VTI1A: variants seen among roughly 807,000 people sequenced by gnomAD.
VTI1A encodes vesicle transport through interaction with t-SNAREs homolog 1A.
In VTI1A, 22 loss-of-function variants were observed where a neutral mutation model predicts 34.9. The ratio of observed to expected loss-of-function variants is 0.63; its 90% CI spans 0.45 to 0.90. The LOEUF is 0.90. Ranked by LOEUF, VTI1A falls within the 40% of genes least tolerant of loss-of-function variation. VTI1A has a pLI of 0.00. For synonymous variants in VTI1A, 87 were observed against 97.3 expected (o/e 0.89, Z 0.62); for missense variants, 268 against 275.6 (o/e 0.97, Z 0.20).
chr10:112,723,563 C>G (rs556986958), intron 7 of VTI1A, among the ~76,000 whole-genome samples: 1 of 152,188 alleles, frequency 6.6e-6, no homozygotes, highest in African/African-American at 2.4e-5. Flanking sequence ...GGCAGGCTGA[C>G]CTCCTGAATC....
intron 7 of VTI1A, among the ~76,000 whole-genome samples, chr10:112,812,292 A>G (rs532168140): frequency 1.3e-5 from 2 of 152,220 alleles, no homozygotes; most frequent in Non-Finnish European, 1.5e-5. Flanking sequence ...CTTGCTGCAG[A>G]CCTAGTTCAA....
chr10:112,815,449 A>G lies in VTI1A; in HGVS notation c.*66A>G. On this transcript the variant is annotated 3_prime_UTR_variant, in exon 8 of 8. Transcript: ENST00000393077. ...TCTGAGTAATTAAGACAAAATGGTC[A>G]CATGAATCATTCTGTTGCGCTGACA... The G allele has an allele frequency of 7.1e-7, 1 of 1,400,060 alleles. No individual in the cohort carries two copies. Among genetic ancestry groups the G allele is most frequent in the East Asian group, 2.3e-5 (1 of 43,792 alleles). 86.7% of individuals were successfully genotyped at this position (1,400,060 alleles called of 1,614,324 possible). A position where few individuals can be genotyped will look rare whatever the true frequency, so the allele number is the denominator to read the frequency against.
At chr10:112,468,374 G>A (rs942633776) in intron 3 of VTI1A, among the ~76,000 whole-genome samples, 2 of 152,072 alleles carry the variant, frequency 1.3e-5, no homozygotes, top group African/African-American at 4.8e-5. Context: ...TAAATGAATG[G>A]AGAATATTTA....
chr10:112,812,167 T>A (rs1301975943), intron 7 of VTI1A, among the ~76,000 whole-genome samples: 1 of 152,256 alleles, frequency 6.6e-6, no homozygotes, highest in African/African-American at 2.4e-5. Context: ...AGTTTTTGCC[T>A]GGAGGCAATT....
At chr10:112,650,201 A>G (rs530983823) in intron 5 of VTI1A, among the ~76,000 whole-genome samples, 12 of 152,200 alleles carry the variant, frequency 7.9e-5, no homozygotes, top group Non-Finnish European at 1.6e-4. Flanking sequence ...TCCTCATTCT[A>G]TGAACTTCTA....
chr10:112,572,634 C>A (rs966163597), intron 5 of VTI1A, among the ~76,000 whole-genome samples: 1 of 151,968 alleles, frequency 6.6e-6, no homozygotes, highest in Non-Finnish European at 1.5e-5. Context: ...GTCAGGAGAT[C>A]GAGACCATCT....
At chr10:112,768,065 A>G (rs1316354572) in intron 7 of VTI1A, among the ~76,000 whole-genome samples, 1 of 151,926 alleles carries the variant, frequency 6.6e-6, no homozygotes, top group African/African-American at 2.4e-5. Flanking sequence ...GCTTCCCTCA[A>G]CCCCTCTCTG....
rs1443468390 is a variant in VTI1A at position 112,594,575 on chromosome 10, A to G, written c.427+56245A>G. Among the ~76,000 whole-genome samples, 3 of 152,072 alleles carry G rather than the reference A, an allele frequency of 2.0e-5. No individual in the cohort carries two copies. In the East Asian group the frequency reaches 5.8e-4, roughly 29 times the overall value. Reference sequence around the variant, plus strand: ...CCCATTCACAATTGCTTCAAAGAGAATAAAATACCTAGGAATCCAACTTAC... The same window carrying G: ...CCCATTCACAATTGCTTCAAAGAGAGTAAAATACCTAGGAATCCAACTTAC... On this transcript the variant is annotated intron_variant, in intron 5 of 7. Coordinates refer to ENST00000393077, the MANE Select transcript of VTI1A (RefSeq NM_145206.4).
At chr10:112,675,268 C>A (rs1220546527) in intron 7 of VTI1A, among the ~76,000 whole-genome samples, 2 of 152,182 alleles carry the variant, frequency 1.3e-5, no homozygotes, top group Admixed American at 6.5e-5. Flanking sequence ...AAGATGGATA[C>A]TGTTACTCCC....
chr10:112,613,228 T>A (rs1408105374), intron 5 of VTI1A, among the ~76,000 whole-genome samples: 1 of 152,150 alleles, frequency 6.6e-6, no homozygotes, highest in Non-Finnish European at 1.5e-5. Flanking sequence ...TTTTAGTTGC[T>A]GAAAAAAAAG....
chr10:112,784,245 G>T (rs41422452), intron 7 of VTI1A, among the ~76,000 whole-genome samples: 1 of 152,046 alleles, frequency 6.6e-6, no homozygotes, highest in Non-Finnish European at 1.5e-5. Context: ...CAAATCTGCC[G>T]GTATATTCCT....
intron 7 of VTI1A, among the ~76,000 whole-genome samples, chr10:112,713,919 C>T (rs1849517097): frequency 6.6e-6 from 1 of 152,124 alleles, no homozygotes; most frequent in African/African-American, 2.4e-5. Context: ...GAGATTACTA[C>T]ACTAGACCAT....
intron 5 of VTI1A, among the ~76,000 whole-genome samples, chr10:112,655,543 A>C (rs1847200470): frequency 6.6e-6 from 1 of 152,224 alleles, no homozygotes; most frequent in Non-Finnish European, 1.5e-5. Context: ...TGTCAAAAAA[A>C]AAAAAGTGTT....
intron 5 of VTI1A, among the ~76,000 whole-genome samples, chr10:112,653,391 G>C (rs1048082546): frequency 6.6e-6 from 1 of 152,162 alleles, no homozygotes; most frequent in Admixed American, 6.5e-5. Context: ...GTGTGTGTTT[G>C]TGCGAAGTAT....
the VTI1A span, among the ~76,000 whole-genome samples, chr10:112,851,334 A>G: frequency 6.6e-6 from 1 of 152,200 alleles, no homozygotes; most frequent in Non-Finnish European, 1.5e-5. Context: ...CTCTCTTCCA[A>G]CTAGACAATG....
At chr10:112,832,395 TG>T in the VTI1A span, 1 of 152,358 alleles carries the variant, frequency 6.6e-6, no homozygotes, top group African/African-American at 2.4e-5. Context: ...ATTTACCCCA[TG>T]GAGGCTTCTG....
At chr10:112,486,930 T>C (rs1216111995) in intron 3 of VTI1A, among the ~76,000 whole-genome samples, 1 of 152,080 alleles carries the variant, frequency 6.6e-6, no homozygotes, top group African/African-American at 2.4e-5. Context: ...TTAATCTCTC[T>C]TTACCGCAGT....
At chr10:112,784,494 G>A (rs1852224624) in intron 7 of VTI1A, among the ~76,000 whole-genome samples, 1 of 152,134 alleles carries the variant, frequency 6.6e-6, no homozygotes, top group Admixed American at 6.5e-5. Flanking sequence ...TATATTTGCA[G>A]CATGTTGACA....
At chr10:112,672,967 A>T (rs1847901500) in intron 7 of VTI1A, among the ~76,000 whole-genome samples, 1 of 152,132 alleles carries the variant, frequency 6.6e-6, no homozygotes, top group Non-Finnish European at 1.5e-5. Context: ...AGGATATGTT[A>T]CTACTTTACC....
Sources: gnomAD v4.1 joint callset for allele counts (sites outside exome capture counted in the v4.1 genomes callset) on GRCh38, gnomAD v4.1.1 for gene constraint, MANE v1.5 for transcripts, NCBI Gene and HGNC (gene_info 2026-07-23, HGNC 2026-07-21) for gene names.